Variants in GCSAM observed in about 807,000 individuals in gnomAD.
GCSAM encodes the protein germinal center associated signaling and motility.
In GCSAM, 8 loss-of-function variants were observed where a neutral mutation model predicts 17.6. That is an observed-to-expected ratio of 0.46 (90% CI 0.27 to 0.82). The LOEUF (loss-of-function observed/expected upper bound fraction) is 0.82. Among genes scored for constraint, GCSAM ranks in the 40% least tolerant of loss-of-function variants. The pLI, the probability that GCSAM is intolerant of heterozygous loss-of-function variation, is 0.15. For missense variants in GCSAM, 192 were observed against 213.5 expected (o/e 0.90, Z 0.63); for synonymous variants, 68 against 69.0 (o/e 0.98, Z 0.07).
Position 112,123,231 on chromosome 3 carries a change from G to A in GCSAM, c.*224C>T, listed in dbSNP as rs1284192253. ...TCCAAACCATGTAGAACCAAAGATG[G>A]TTACCTCTTTCTCAAATGGTGTTGT... On this transcript the variant is annotated 3_prime_UTR_variant, in exon 6 of 6. Transcript: ENST00000308910. 1.3e-6 allele frequency: 1 copy of A among 782,004 alleles called. No individual in the cohort carries two copies. Among genetic ancestry groups the A allele is most frequent in the Non-Finnish European group, 2.0e-6 (1 of 512,230 alleles). The allele number at this position is 782,004 out of a possible 1,614,324, so 48.4% of individuals were successfully genotyped here.
At chr3:112,126,900 C>T in intron 4 of GCSAM, 87 bp downstream of exon 4, 1 of 922,026 alleles carries the variant, frequency 1.1e-6, no homozygotes, top group Non-Finnish European at 1.8e-6. Context: ...TGAAATATGC[C>T]TAAGGGGCTT....
rs1186632485 is a variant in GCSAM, at chr3:112,121,710, A to G, written c.*1745T>C. 1 of 152,238 alleles carries G rather than the reference A, an allele frequency of 6.6e-6. No homozygotes were observed. The highest frequency in any genetic ancestry group is 1.5e-5 in the Non-Finnish European group (1 of 68,042). 9.4% of individuals were successfully genotyped at this position (152,238 alleles called of 1,614,324 possible). A position where few individuals can be genotyped will look rare whatever the true frequency, so the allele number is the denominator to read the frequency against. On this transcript the variant is annotated 3_prime_UTR_variant, in exon 6 of 6. Transcript: ENST00000308910. ...AAGTAGGAAGTTAGCAGAGGAAGAG[A>G]TACCAAGATGCAGCTGGCTCTTTAG...
chr3:112,129,302 A>C (rs192010401), intron 2 of GCSAM: 1 of 152,324 alleles, frequency 6.6e-6, no homozygotes, highest in Non-Finnish European at 1.5e-5. Context: ...CACAGTTTTT[A>C]AATCTATAAA....
chr3:112,125,049 G>T (rs374827496), intron 5 of GCSAM, among the ~76,000 whole-genome samples, 177 bp downstream of exon 5: 76 of 152,280 alleles, frequency 5.0e-4, no homozygotes, highest in African/African-American at 1.7e-3. Flanking sequence ...AGCAGAAGTG[G>T]CTGCTGCTTC....
chr3:112,126,241 C>A (rs138213615), intron 4 of GCSAM, among the ~76,000 whole-genome samples: 2 of 152,320 alleles, frequency 1.3e-5, no homozygotes, highest in African/African-American at 4.8e-5. Flanking sequence ...ATTTACACAT[C>A]TTGCAGGGCT....
intron 1 of GCSAM, among the ~76,000 whole-genome samples, chr3:112,132,068 A>C (rs2074467797): frequency 6.6e-6 from 1 of 152,216 alleles, no homozygotes; most frequent in Non-Finnish European, 1.5e-5. Context: ...ACTACATTTG[A>C]GCATCTCATA....
chr3:112,130,387 A>T, intron 2 of GCSAM, 58 bp downstream of exon 2: 1 of 1,385,454 alleles, frequency 7.2e-7, no homozygotes, highest in Non-Finnish European at 1.0e-6. Context: ...CCAGGGCTTG[A>T]CATACTTCGT....
In GCSAM at chr3:112,130,426, TG is replaced by T. The variant is rs968225840; in HGVS notation, c.98+18del. On this transcript the variant is annotated intron_variant, in intron 2 of 5. Coordinates refer to ENST00000308910, the MANE Select transcript of GCSAM (RefSeq NM_152785.5). ...CCTTGGGCAAGGTCTGGGGGGTGTT[TG>T]GTTGATTTTGCTCTCACCTGGATGT... 6.2e-7 allele frequency: 1 copy of T among 1,608,588 alleles called. No homozygotes were observed. The highest frequency in any genetic ancestry group is 1.3e-5 in the African/African-American group (1 of 74,810).
rs1010993873 is a variant in GCSAM, at chr3:112,123,094, T to C, written c.*361A>G. On this transcript the variant is annotated 3_prime_UTR_variant, in exon 6 of 6. Coordinates refer to ENST00000308910, the MANE Select transcript of GCSAM (RefSeq NM_152785.5). ...GATGAGTAAAGCTTCCTTGTGACTT[T>C]AGAGAATGATCATGGGAACACTTTA... is the stretch of plus-strand genomic sequence containing the variant. 3.2e-5 allele frequency: 8 copies of C among 248,546 alleles called. No individual in the cohort carries two copies. The highest frequency in any genetic ancestry group is 6.2e-5 in the Non-Finnish European group (8 of 128,268). 15.4% of individuals were successfully genotyped at this position (248,546 alleles called of 1,614,324 possible).
intron 5 of GCSAM, 74 bp from the exon 6 acceptor site, chr3:112,123,846 G>C (rs966803918): frequency 6.8e-7 from 1 of 1,469,298 alleles, no homozygotes; most frequent in Non-Finnish European, 9.2e-7. Context: ...CTCAACACAG[G>C]CTTGACCCTT....
chr3:112,121,709 G>C lies in GCSAM; in HGVS notation c.*1746C>G, dbSNP rs114489392. ...AAAGTAGGAAGTTAGCAGAGGAAGAGATACCAAGATGCAGCTGGCTCTTTA... is the reference window on the plus strand; with the variant it reads ...AAAGTAGGAAGTTAGCAGAGGAAGACATACCAAGATGCAGCTGGCTCTTTA... On this transcript the variant is annotated 3_prime_UTR_variant, in exon 6 of 6. Transcript: ENST00000308910. 6.6e-6 allele frequency: 1 copy of C among 152,336 alleles called. No homozygotes were observed. Among genetic ancestry groups the C allele is most frequent in the Non-Finnish European group, 1.5e-5 (1 of 68,028 alleles). The allele number at this position is 152,336 out of a possible 1,614,324, so 9.4% of individuals were successfully genotyped here.
chr3:112,124,563 G>A (rs949660294), intron 5 of GCSAM, among the ~76,000 whole-genome samples: 6 of 152,112 alleles, frequency 3.9e-5, no homozygotes, highest in Non-Finnish European at 8.8e-5. Context: ...AGCTGAGATC[G>A]TGCCATTGCA....
At position 112,123,121 on chromosome 3, in the gene GCSAM, A is replaced by G. The variant is rs1449945708; in HGVS notation, c.*334T>C. The G allele has an allele frequency of 3.4e-6, 1 of 294,864 alleles. No individual in the cohort carries two copies. The highest frequency in any genetic ancestry group is 6.4e-6 in the Non-Finnish European group (1 of 156,882). The allele number at this position is 294,864 out of a possible 1,614,324, so 18.3% of individuals were successfully genotyped here. ...GAGAATGATCATGGGAACACTTTATAAGAAGATCCCAGACAGAAGAGCAGA... is the reference window on the plus strand; with the variant it reads ...GAGAATGATCATGGGAACACTTTATGAGAAGATCCCAGACAGAAGAGCAGA... On this transcript the variant is annotated 3_prime_UTR_variant, in exon 6 of 6. Coordinates refer to ENST00000308910, the MANE Select transcript of GCSAM (RefSeq NM_152785.5).
chr3:112,123,345 G>T lies in GCSAM; in HGVS notation c.*110C>A. ...AACCATGCTCTGCAGGGAAAGGGTT[G>T]TTGTGGGAGATAAGCTGGAGGGACT... is the stretch of plus-strand genomic sequence containing the variant. On this transcript the variant is annotated 3_prime_UTR_variant, in exon 6 of 6. Transcript: ENST00000308910. The T allele has an allele frequency of 6.6e-7, 1 of 1,520,160 alleles. No individual in the cohort carries two copies. Among genetic ancestry groups the T allele is most frequent in the African/African-American group, 1.4e-5 (1 of 72,286 alleles). The allele number at this position is 1,520,160 out of a possible 1,614,324, so 94.2% of individuals were successfully genotyped here. A position where few individuals can be genotyped will look rare whatever the true frequency, so the allele number is the denominator to read the frequency against.
chr3:112,131,286 T>C (rs1208452592), intron 1 of GCSAM, among the ~76,000 whole-genome samples: 1 of 152,080 alleles, frequency 6.6e-6, no homozygotes, highest in Admixed American at 6.5e-5. Context: ...TCTCTTCCTC[T>C]GAGACTGAGC....
intron 1 of GCSAM, 77 bp downstream of exon 1, chr3:112,133,015 C>T: frequency 2.7e-6 from 4 of 1,473,466 alleles, no homozygotes; most frequent in Non-Finnish European, 2.8e-6. Flanking sequence ...TAACTGTATA[C>T]TAGCTTTCTT....
intron 4 of GCSAM, among the ~76,000 whole-genome samples, chr3:112,126,457 G>C (rs1411605863): frequency 6.6e-6 from 1 of 152,082 alleles, no homozygotes; most frequent in Non-Finnish European, 1.5e-5. Context: ...TATCACCAGA[G>C]ACTACTGCAC....
rs1282471333 is a variant in GCSAM, at chr3:112,133,203, TAAAG to T, written c.-87_-84del. ...TGCTCTGACAGGGCAACTCCTGACT[TAAAG>T]AAAGGGCTGTGTGGCTCTGGCCACC... is the stretch of plus-strand genomic sequence containing the variant. On this transcript the variant is annotated 5_prime_UTR_variant, in exon 1 of 6. Transcript: ENST00000308910. 9 of 1,473,524 alleles carry T rather than the reference TAAAG, an allele frequency of 6.1e-6. No homozygotes were observed. The Admixed American group carries it at 1.2e-4, about 19-fold the overall frequency. The allele number at this position is 1,473,524 out of a possible 1,614,324, so 91.3% of individuals were successfully genotyped here. A position where few individuals can be genotyped will look rare whatever the true frequency, so the allele number is the denominator to read the frequency against.
At chr3:112,131,454 A>G (rs982672832) in intron 1 of GCSAM, among the ~76,000 whole-genome samples, 6 of 152,124 alleles carry the variant, frequency 3.9e-5, no homozygotes, top group East Asian at 1.9e-4. Flanking sequence ...TATATACAAG[A>G]CTTTTGAATA....
Sources: gnomAD v4.1 joint callset for allele counts (sites outside exome capture counted in the v4.1 genomes callset) on GRCh38, gnomAD v4.1.1 for gene constraint, MANE v1.5 for transcripts, NCBI Gene and HGNC (gene_info 2026-07-23, HGNC 2026-07-21) for gene names.